The following STPG2 variants were observed in gnomAD, a reference collection of about 807,000 sequenced individuals.
STPG2 encodes sperm-tail PG-rich repeat-containing protein 2.
A neutral mutation model predicts 54.2 loss-of-function variants in STPG2; 56 were observed. The observed-to-expected ratio is 1.03, with a 90% CI of 0.83 to 1.29. The LOEUF (loss-of-function observed/expected upper bound fraction) is 1.29. Among genes scored for constraint, STPG2 ranks in the 50% most tolerant of loss-of-function variants. The pLI is 0.00. For synonymous variants in STPG2, 200 were observed against 181.8 expected, an observed-to-expected ratio of 1.10 and a Z score of -0.81; for missense variants, 596 against 544.9, an observed-to-expected ratio of 1.09 and a Z score of -0.93.
intron 10 of STPG2, among the ~76,000 whole-genome samples, chr4:97,637,984 A>G (rs1250770685): frequency 1.3e-5 from 2 of 151,970 alleles, no homozygotes; most frequent in Admixed American, 6.6e-5. Flanking sequence ...ACAGAATTGG[A>G]AAAAACTACT....
At chr4:97,847,861 G>A (rs771579022) in intron 8 of STPG2, among the ~76,000 whole-genome samples, 23 of 152,106 alleles carry the variant, frequency 1.5e-4, no homozygotes, top group Non-Finnish European at 2.8e-4. Context: ...ATCTAAAAAT[G>A]ACCAAGGTTA....
At chr4:97,529,287 T>G (rs1731359908) in intron 4 of STPG2, among the ~76,000 whole-genome samples, 1 of 152,220 alleles carries the variant, frequency 6.6e-6, no homozygotes, top group Admixed American at 6.5e-5. Flanking sequence ...ATTACATTTA[T>G]TAATTTGCGT....
At chr4:98,087,910 C>T (rs956307089) in intron 5 of STPG2, among the ~76,000 whole-genome samples, 3 of 152,146 alleles carry the variant, frequency 2.0e-5, no homozygotes, top group African/African-American at 7.2e-5. Flanking sequence ...AATTAATAAG[C>T]CCTAATCCCT....
chr4:98,023,762 A>G (rs1578791740), intron 5 of STPG2, among the ~76,000 whole-genome samples: 1 of 151,854 alleles, frequency 6.6e-6, no homozygotes, highest in African/African-American at 2.4e-5. Flanking sequence ...CCTTGCTGCC[A>G]CCTTGCAGTT....
intron 9 of STPG2, among the ~76,000 whole-genome samples, chr4:97,723,841 A>T (rs144375551): frequency 2.9e-4 from 44 of 152,302 alleles, no homozygotes; most frequent in Non-Finnish European, 6.0e-4. Flanking sequence ...AGATCTTGTG[A>T]TAACACTATC....
chr4:98,000,519 T>C lies in STPG2; in HGVS notation c.613-19201A>G, dbSNP rs1205401514. On this transcript the variant is annotated intron_variant, in intron 5 of 10. Transcript: ENST00000295268. ...AATATATAAATTTGACTTGAAACTGTAGAAAAGAACATATATCTATTACAA... is the reference window on the plus strand; with the variant it reads ...AATATATAAATTTGACTTGAAACTGCAGAAAAGAACATATATCTATTACAA... 2.0e-5 allele frequency among the ~76,000 whole-genome samples: 3 copies of C among 152,260 alleles called. No homozygotes were observed. The East Asian group carries it at 5.8e-4, about 29-fold the overall frequency.
intron 4 of STPG2, among the ~76,000 whole-genome samples, chr4:97,505,575 G>A (rs928392533): frequency 1.2e-4 from 18 of 151,880 alleles, no homozygotes; most frequent in African/African-American, 4.3e-4. Context: ...GGCATTGTTT[G>A]GACTGCTATG....
rs547239779 is a variant in STPG2 at position 97,941,468 on chromosome 4, T to C, written c.1044+2429A>G. Among the ~76,000 whole-genome samples the C allele has an allele frequency of 1.2e-3, 190 of 152,208 alleles. 1 individual carries two copies. Among genetic ancestry groups the C allele is most frequent in the African/African-American group, 4.4e-3 (181 of 41,572 alleles). ...ATGTTTTGTTTATGTTCATCCTCCA[T>C]TTGTCACATTTTCTTTCTATTTATA... On this transcript the variant is annotated intron_variant, in intron 8 of 10. Transcript: ENST00000295268.
intron 10 of STPG2, among the ~76,000 whole-genome samples, chr4:97,673,992 A>AAT (rs908052512): frequency 2.0e-5 from 3 of 152,200 alleles, no homozygotes; most frequent in African/African-American, 7.2e-5. Flanking sequence ...CATTGACCTA[A>AAT]AGGGTTTAAC....
intron 10 of STPG2, among the ~76,000 whole-genome samples, chr4:97,605,124 C>A (rs111359257): frequency 6.6e-6 from 1 of 151,664 alleles, no homozygotes; most frequent in Admixed American, 6.6e-5. Flanking sequence ...CAGTTATACC[C>A]ATTTGCTTCT....
intron 7 of STPG2, among the ~76,000 whole-genome samples, chr4:97,957,474 C>T (rs1488805910): frequency 6.6e-6 from 1 of 151,912 alleles, no homozygotes; most frequent in Non-Finnish European, 1.5e-5. Flanking sequence ...GAAGGGAAAT[C>T]TAGAAGTTTG....
chr4:97,933,162 T>C lies in STPG2; in HGVS notation c.1044+10735A>G, dbSNP rs113612822. Among the ~76,000 whole-genome samples, 232 of 152,326 alleles carry C rather than the reference T, an allele frequency of 1.5e-3. No homozygotes were observed. The Middle Eastern group carries it at 0.02, about 13-fold the overall frequency. On this transcript the variant is annotated intron_variant, in intron 8 of 10. Transcript: ENST00000295268. Reference sequence around the variant, plus strand: ...CATTTGTTTATTGGCCATATAAATGTCTTCTTTTGAGAATTCTCGGTTCAT... The same window carrying C: ...CATTTGTTTATTGGCCATATAAATGCCTTCTTTTGAGAATTCTCGGTTCAT...
At chr4:97,821,324 G>C (rs181270509) in intron 9 of STPG2, among the ~76,000 whole-genome samples, 1 of 152,304 alleles carries the variant, frequency 6.6e-6, no homozygotes, top group African/African-American at 2.4e-5. Flanking sequence ...CTGCAGTAAG[G>C]AGTGGGCTTT....
intron 8 of STPG2, among the ~76,000 whole-genome samples, chr4:97,930,940 T>G (rs985529518): frequency 6.6e-6 from 1 of 152,216 alleles, no homozygotes; most frequent in Non-Finnish European, 1.5e-5. Flanking sequence ...TTATTCTTTT[T>G]GTGGCCTTTG....
chr4:97,852,024 C>T (rs958015197), intron 8 of STPG2, among the ~76,000 whole-genome samples: 1 of 152,040 alleles, frequency 6.6e-6, no homozygotes, highest in Non-Finnish European at 1.5e-5. Context: ...AATTCTTTTG[C>T]AATGTTGAAT....
rs570613629 is a variant in STPG2 at position 97,964,734 on chromosome 4, CTGT to C, written c.933+7543_933+7545del. On this transcript the variant is annotated intron_variant, in intron 7 of 10. Coordinates refer to ENST00000295268, the MANE Select transcript of STPG2 (RefSeq NM_174952.3). Reference sequence around the variant, plus strand: ...TCTGGTTTGCTTTTCATTGTTCCTTCTGTTGTTGTCTTAAAATCACACTATACA... The same window carrying C: ...TCTGGTTTGCTTTTCATTGTTCCTTCTGTTGTCTTAAAATCACACTATACA... Among the ~76,000 whole-genome samples the C allele has an allele frequency of 8.5e-5, 13 of 152,290 alleles. No individual in the cohort carries two copies. The East Asian group carries it at 2.3e-3, about 27-fold the overall frequency.
chr4:97,930,763 T>C (rs1310193818), intron 8 of STPG2, among the ~76,000 whole-genome samples: 3 of 141,128 alleles, frequency 2.1e-5, no homozygotes, highest in Non-Finnish European at 4.9e-5. Context: ...ACAAATTGCT[T>C]TGGGCAGTAT....
intron 7 of STPG2, among the ~76,000 whole-genome samples, chr4:97,971,077 A>G (rs991920386): frequency 6.6e-6 from 1 of 152,238 alleles, no homozygotes; most frequent in Non-Finnish European, 1.5e-5. Context: ...TGGTCATCAG[A>G]GAAATGCAAA....
chr4:97,865,097 C>A (rs368605920), intron 8 of STPG2, among the ~76,000 whole-genome samples: 2 of 152,110 alleles, frequency 1.3e-5, no homozygotes, highest in Non-Finnish European at 2.9e-5. Context: ...CAAATGGGAT[C>A]TCATTAAACT....
Sources: allele counts gnomAD v4.1 joint callset (sites outside exome capture counted in the v4.1 genomes callset), GRCh38; gene constraint gnomAD v4.1.1; transcripts MANE v1.5; gene names NCBI Gene and HGNC (gene_info 2026-07-23, HGNC 2026-07-21).